SLC35D2: variants seen among roughly 807,000 people sequenced by gnomAD.
SLC35D2 encodes solute carrier family 35 member D2.
SLC35D2 carries 43 observed loss-of-function variants against 41.8 expected under a neutral mutation model. The observed-to-expected ratio is 1.03, with a 90% confidence interval of 0.81 to 1.33. SLC35D2 has a LOEUF of 1.33. SLC35D2 is among the 40% of genes most tolerant of loss of function. SLC35D2 has a pLI of 0.00. For missense variants in SLC35D2, 380 were observed against 408.4 expected, an observed-to-expected ratio of 0.93 and a Z score of 0.60; for synonymous variants, 150 against 163.9, an observed-to-expected ratio of 0.92 and a Z score of 0.65.
At chr9:96,362,906 G>A (rs565805942) in intron 3 of SLC35D2, among the ~76,000 whole-genome samples, 91 of 147,966 alleles carry the variant, frequency 6.2e-4, no homozygotes, top group African/African-American at 9.7e-4. Flanking sequence ...TCACTCTGTC[G>A]CCCAGGCTGG....
At position 96,368,318 on chromosome 9, in the gene SLC35D2, C is replaced by T. The variant is rs1322080333; in HGVS notation, c.159-13G>A. ...TGGTGACGGGAAACTACAAAGGACACAGAACAACAAATCAGTTGAGCAAAT... is the reference window on the plus strand; with the variant it reads ...TGGTGACGGGAAACTACAAAGGACATAGAACAACAAATCAGTTGAGCAAAT... On this transcript the variant is annotated splice_polypyrimidine_tract_variant and intron_variant, in intron 1 of 11. Coordinates refer to ENST00000253270, the MANE Select transcript of SLC35D2 (RefSeq NM_007001.3). The T allele has an allele frequency of 1.2e-5, 19 of 1,601,460 alleles. No individual in the cohort carries two copies. Among genetic ancestry groups the T allele is most frequent in the Non-Finnish European group, 1.6e-5 (19 of 1,172,236 alleles).
chr9:96,376,981 T>G (rs1441482678), intron 1 of SLC35D2, among the ~76,000 whole-genome samples: 2 of 150,256 alleles, frequency 1.3e-5, no homozygotes, highest in African/African-American at 2.5e-5. Context: ...CAAGAGCTGC[T>G]CAAGTGCTGA....
chr9:96,344,104 C>T (rs12378941), intron 7 of SLC35D2, 108 bp from the exon 8 acceptor site: 1 of 616,750 alleles, frequency 1.6e-6, no homozygotes, highest in Non-Finnish European at 2.8e-6. Context: ...AATGTGCATT[C>T]TGAGCAACTC....
At chr9:96,382,203 G>A (rs1238220373) in intron 1 of SLC35D2, among the ~76,000 whole-genome samples, 1 of 151,852 alleles carries the variant, frequency 6.6e-6, no homozygotes, top group Non-Finnish European at 1.5e-5. Context: ...GAGGCTGGAT[G>A]AGATAGTTTG....
chr9:96,361,256 G>C (rs1830265339), intron 3 of SLC35D2, among the ~76,000 whole-genome samples: 1 of 152,130 alleles, frequency 6.6e-6, no homozygotes. Context: ...AATGAATCTT[G>C]TTTTTCCCCA....
At chr9:96,320,238 G>C (rs1828160269), downstream of SLC35D2, among the ~76,000 whole-genome samples, 1 of 152,224 alleles carries the variant, frequency 6.6e-6, no homozygotes, top group Non-Finnish European at 1.5e-5. Flanking sequence ...GATTGGCCGG[G>C]TTCGGTGGCT....
intron 4 of SLC35D2, among the ~76,000 whole-genome samples, chr9:96,355,505 T>C (rs900752331): frequency 6.7e-6 from 1 of 150,226 alleles, no homozygotes; most frequent in Non-Finnish European, 1.5e-5. Flanking sequence ...AAAAAAAAAT[T>C]TTTTTTTTTT....
In SLC35D2 at chr9:96,322,048, G is replaced by A. The variant is rs371825606; in HGVS notation, c.864C>T (p.Ile288=). The change falls in exon 11 of 12, where the codon ATC becomes ATT. Residue 288 remains isoleucine (I), a synonymous_variant. Transcript: ENST00000253270. ...ACAAAGAGAAAATGTAGTCTCCACC[G>A]ATTAATATCCCAATGTAGGCAACGG... The part of the protein sequence containing the change: ...NVSVAYIGIL[I]GGDYIFSLLN... 80 of 1,606,910 alleles carry A rather than the reference G, an allele frequency of 5.0e-5. No individual in the cohort carries two copies. The highest frequency in any genetic ancestry group is 1.2e-4 in the Admixed American group (7 of 59,756).
intron 8 of SLC35D2, among the ~76,000 whole-genome samples, chr9:96,340,646 A>C (rs1034694281): frequency 2.7e-5 from 4 of 150,606 alleles, no homozygotes; most frequent in South Asian, 4.2e-4. Flanking sequence ...AAAAAAAAAA[A>C]AAAACTAGTC....
At chr9:96,357,850 G>A (rs10122138) in intron 4 of SLC35D2, among the ~76,000 whole-genome samples, 2 of 151,706 alleles carry the variant, frequency 1.3e-5, no homozygotes, top group East Asian at 3.9e-4. Context: ...ATCAGCCTGG[G>A]CAACATGGTG....
Position 96,351,676 on chromosome 9 carries a change from T to A in SLC35D2, c.419+362A>T, listed in dbSNP as rs963162969. On this transcript the variant is annotated intron_variant, in intron 5 of 11. Coordinates refer to ENST00000253270, the MANE Select transcript of SLC35D2 (RefSeq NM_007001.3). Reference sequence around the variant, plus strand: ...TATAATTACTGCGTCAGAATTGATATCCCTCATACCCTGCACAACTATCCT... The same window carrying A: ...TATAATTACTGCGTCAGAATTGATAACCCTCATACCCTGCACAACTATCCT... Among the ~76,000 whole-genome samples the A allele has an allele frequency of 2.0e-5, 3 of 152,190 alleles. No homozygotes were observed. In the East Asian group the frequency reaches 5.8e-4, roughly 29 times the overall value.
intron 6 of SLC35D2, among the ~76,000 whole-genome samples, chr9:96,347,323 A>G (rs1829626374): frequency 6.6e-6 from 1 of 152,182 alleles, no homozygotes; most frequent in South Asian, 2.1e-4. Flanking sequence ...AAGAGTTCCC[A>G]GCAGCGCTGT....
At chr9:96,361,916 C>T (rs145583981) in intron 3 of SLC35D2, among the ~76,000 whole-genome samples, 25 of 152,098 alleles carry the variant, frequency 1.6e-4, no homozygotes, top group Non-Finnish European at 3.5e-4. Context: ...GCCACCTGGC[C>T]GGGGGTATTT....
chr9:96,366,517 A>ATTTTTTTTT, intron 2 of SLC35D2, among the ~76,000 whole-genome samples: 1 of 103,608 alleles, frequency 9.7e-6, no homozygotes, highest in Non-Finnish European at 1.9e-5. Context: ...CTTATCACTG[A>ATTTTTTTTT]TTTTTTTTTT....
At chr9:96,325,806 C>A (rs1041494891) in intron 9 of SLC35D2, among the ~76,000 whole-genome samples, 1 of 152,158 alleles carries the variant, frequency 6.6e-6, no homozygotes, top group African/African-American at 2.4e-5. Context: ...TTATTTAATT[C>A]TAGAATCCTG....
At chr9:96,380,368 A>C (rs1831145089) in intron 1 of SLC35D2, among the ~76,000 whole-genome samples, 1 of 152,158 alleles carries the variant, frequency 6.6e-6, no homozygotes, top group Non-Finnish European at 1.5e-5. Flanking sequence ...ACTCAGGTGC[A>C]CAAAATGAAG....
chr9:96,360,888 T>C (rs1377366671), intron 3 of SLC35D2, among the ~76,000 whole-genome samples: 6 of 151,850 alleles, frequency 4.0e-5, no homozygotes, highest in African/African-American at 1.4e-4. Context: ...ATTACAGGCA[T>C]CCGCCACCAT....
intron 5 of SLC35D2, among the ~76,000 whole-genome samples, chr9:96,351,507 G>A (rs1829812841): frequency 6.6e-6 from 1 of 151,200 alleles, no homozygotes; most frequent in South Asian, 2.1e-4. Context: ...TCAATACAAG[G>A]GCTTAAAACA....
Position 96,368,168 on chromosome 9 carries a change from A to C in SLC35D2, c.192+104T>G, listed in dbSNP as rs549018994. ...TACCATGACCCTCTGGTCCTCTGCC[A>C]GCTGAATAAATTTGCAAACCACAGC... On this transcript the variant is annotated intron_variant, in intron 2 of 11. Coordinates refer to ENST00000253270, the MANE Select transcript of SLC35D2 (RefSeq NM_007001.3). 1.3e-4 allele frequency: 104 copies of C among 771,430 alleles called. No homozygotes were observed. The East Asian group carries it at 2.8e-3, about 21-fold the overall frequency. The allele number at this position is 771,430 out of a possible 1,614,324, so 47.8% of individuals were successfully genotyped here.
Sources: gnomAD v4.1 joint callset for allele counts (sites outside exome capture counted in the v4.1 genomes callset) on GRCh38, gnomAD v4.1.1 for gene constraint, MANE v1.5 for transcripts, NCBI Gene and HGNC (gene_info 2026-07-23, HGNC 2026-07-21) for gene names.